BACH2: variants seen among roughly 807,000 people sequenced by gnomAD.
The protein encoded by BACH2 is transcription regulator protein BACH2.
BACH2 carries 5 observed loss-of-function variants against 61.8 expected under a neutral mutation model. The observed-to-expected ratio is 0.08, with a 90% CI of 0.04 to 0.17. The LOEUF (loss-of-function observed/expected upper bound fraction) is 0.17, where lower values mean the gene tolerates loss of function less well. Among genes scored for constraint, BACH2 ranks in the 10% least tolerant of loss-of-function variants. The pLI, the probability that BACH2 is intolerant of heterozygous loss-of-function variation, is 1.00. For missense variants in BACH2, 824 were observed against 1,091.1 expected, an observed-to-expected ratio of 0.76 and a Z score of 3.45; for synonymous variants, 446 against 440.1, an observed-to-expected ratio of 1.01 and a Z score of -0.17.
At chr6:89,955,839 T>C (rs1774397542) in intron 6 of BACH2, among the ~76,000 whole-genome samples, 1 of 152,212 alleles carries the variant, frequency 6.6e-6, no homozygotes, top group Non-Finnish European at 1.5e-5. Context: ...TTACTTTTTG[T>C]TCTTAACAAA....
intron 6 of BACH2, among the ~76,000 whole-genome samples, chr6:89,980,860 A>G (rs1337876579): frequency 6.7e-6 from 1 of 150,226 alleles, no homozygotes; most frequent in Non-Finnish European, 1.5e-5. Flanking sequence ...TCTCATCACA[A>G]TCAGGTGTCA....
chr6:90,046,152 T>TGA (rs1311708658), intron 5 of BACH2, among the ~76,000 whole-genome samples: 3 of 152,184 alleles, frequency 2.0e-5, no homozygotes, highest in African/African-American at 4.8e-5. Flanking sequence ...TGGCTGCCAA[T>TGA]GAGAGCTCTG....
intron 1 of BACH2, 68 bp from the exon 2 acceptor site, chr6:90,272,009 C>T (rs940584065): frequency 6.6e-6 from 1 of 152,342 alleles, no homozygotes; most frequent in African/African-American, 2.4e-5. Flanking sequence ...CAACCAAGTG[C>T]TGTTAACCAA....
rs571742945 is a variant in BACH2 at position 90,057,186 on chromosome 6, TG to T, written c.-13+31774del. ...TCAAAAAATGAATGAATCCAGGAGC[TG>T]GTTTTTTGAAAAGATCAACAACATT... On this transcript the variant is annotated intron_variant, in intron 5 of 8. Coordinates refer to ENST00000257749, the MANE Select transcript of BACH2 (RefSeq NM_021813.4). Among the ~76,000 whole-genome samples the T allele has an allele frequency of 5.1e-3, 779 of 152,238 alleles. 3 individuals carry two copies. Among genetic ancestry groups the T allele is most frequent in the Middle Eastern group, 0.031 (9 of 294 alleles).
intron 4 of BACH2, among the ~76,000 whole-genome samples, chr6:90,122,178 G>T (rs2127820109): frequency 6.6e-6 from 1 of 152,342 alleles, no homozygotes; most frequent in South Asian, 2.1e-4. Flanking sequence ...CATCCTCTCT[G>T]CCCTTAAGGG....
At chr6:90,221,476 T>C (rs2127856114) in intron 3 of BACH2, among the ~76,000 whole-genome samples, 1 of 152,270 alleles carries the variant, frequency 6.6e-6, no homozygotes, top group Non-Finnish European at 1.5e-5. Flanking sequence ...AGTTCATAAG[T>C]TAATGTAATA....
chr6:90,048,636 A>C (rs554715745), intron 5 of BACH2, among the ~76,000 whole-genome samples: 2 of 152,300 alleles, frequency 1.3e-5, no homozygotes, highest in African/African-American at 4.8e-5. Context: ...CAAAAAAGTT[A>C]ATTTTGAAAA....
At chr6:89,966,797 C>T (rs1219835531) in intron 6 of BACH2, among the ~76,000 whole-genome samples, 3 of 152,198 alleles carry the variant, frequency 2.0e-5, no homozygotes, top group Admixed American at 2.0e-4. Context: ...TGACTGGGTG[C>T]AAGCCTTTGC....
intron 4 of BACH2, among the ~76,000 whole-genome samples, chr6:90,155,670 A>G (rs1784972053): frequency 6.6e-6 from 1 of 152,226 alleles, no homozygotes; most frequent in South Asian, 2.1e-4. Context: ...GCCTCTTCCT[A>G]TCCCCAAATT....
chr6:89,934,825 A>G (rs1772911612), intron 8 of BACH2, among the ~76,000 whole-genome samples: 1 of 152,058 alleles, frequency 6.6e-6, no homozygotes, highest in African/African-American at 2.4e-5. Context: ...GAGAAAATGA[A>G]GAGGAGAAAG....
At chr6:90,218,128 G>A (rs563600685) in intron 3 of BACH2, 6 of 152,198 alleles carry the variant, frequency 3.9e-5, no homozygotes, top group East Asian at 3.9e-4. Flanking sequence ...TCATGTTGGC[G>A]TCAGGACAAA....
intron 1 of BACH2, among the ~76,000 whole-genome samples, chr6:90,290,471 T>C (rs1483836379): frequency 2.0e-5 from 3 of 152,234 alleles, no homozygotes; most frequent in Admixed American, 1.3e-4. Flanking sequence ...GTTTAATGAA[T>C]GAATGAGGCA....
In BACH2 at chr6:89,932,561, G is replaced by A. The variant is rs577012189; in HGVS notation, c.2373C>T (p.Thr791=). 1.9e-6 allele frequency: 3 copies of A among 1,614,096 alleles called. No homozygotes were observed. The highest frequency in any genetic ancestry group is 4.5e-5 in the East Asian group (2 of 44,868). Residue 791 remains threonine, a synonymous_variant, in exon 9 of 9, where the codon ACC becomes ACT. Coordinates refer to ENST00000257749, the MANE Select transcript of BACH2 (RefSeq NM_021813.4). The part of the protein sequence containing the change: ...WAPSNTSENC[T]SGRRLEGTDP... Reference sequence around the variant, plus strand: ...CAGTGCCTTCTAGTCTCCTCCCAGAGGTACAATTCTCGGAGGTGTTGCTGG... The same window carrying A: ...CAGTGCCTTCTAGTCTCCTCCCAGAAGTACAATTCTCGGAGGTGTTGCTGG...
At chr6:90,108,095 C>G (rs1195582833) in intron 4 of BACH2, among the ~76,000 whole-genome samples, 1 of 152,152 alleles carries the variant, frequency 6.6e-6, no homozygotes, top group Non-Finnish European at 1.5e-5. Flanking sequence ...GAGTCTTGCC[C>G]ATGGGGCGTG....
At chr6:89,988,398 T>C (rs536460560) in intron 6 of BACH2, among the ~76,000 whole-genome samples, 20 of 152,258 alleles carry the variant, frequency 1.3e-4, no homozygotes, top group East Asian at 9.7e-4. Flanking sequence ...GCCTGCCCCA[T>C]CTTGTATTTT....
intron 6 of BACH2, among the ~76,000 whole-genome samples, chr6:89,992,171 C>T (rs1426059295): frequency 1.3e-5 from 2 of 152,084 alleles, no homozygotes; most frequent in Non-Finnish European, 2.9e-5. Flanking sequence ...CTTTCTGTTT[C>T]TTTTTACAAA....
intron 4 of BACH2, among the ~76,000 whole-genome samples, chr6:90,175,189 C>G (rs1020025126): frequency 3.3e-5 from 5 of 151,890 alleles, no homozygotes; most frequent in African/African-American, 4.8e-5. Context: ...ATTTTAAAGT[C>G]AATGTTACTT....
rs535020092 is a variant in BACH2, at chr6:90,163,997, T to A, written c.-162+42572A>T. ...AAAATTGACACCCTAACATCACAAT[T>A]AAAAGAACTAGAGAAGCAAGAGCAA... On this transcript the variant is annotated intron_variant, in intron 4 of 8. Transcript: ENST00000257749. Among the ~76,000 whole-genome samples the A allele has an allele frequency of 3.3e-5, 5 of 152,072 alleles. No individual in the cohort carries two copies. In the East Asian group the frequency reaches 9.7e-4, roughly 29 times the overall value.
chr6:89,964,207 TA>T (rs61668401), intron 6 of BACH2, among the ~76,000 whole-genome samples: 45,804 of 113,750 alleles, frequency 0.4, 7,729 homozygotes, highest in East Asian at 0.6. Context: ...AAAGTATAAT[TA>T]AAAAAAAAAA....
Sources: gnomAD v4.1 joint callset for allele counts (sites outside exome capture counted in the v4.1 genomes callset) on GRCh38, gnomAD v4.1.1 for gene constraint, MANE v1.5 for transcripts, NCBI Gene and HGNC (gene_info 2026-07-23, HGNC 2026-07-21) for gene names.